The following NPEPPS variants were observed in gnomAD, a reference collection of about 807,000 sequenced individuals.
The protein encoded by NPEPPS is puromycin-sensitive aminopeptidase.
A neutral mutation model predicts 115.5 loss-of-function variants in NPEPPS; 14 were observed. The observed-to-expected ratio is 0.12, with a 90% CI of 0.08 to 0.19. The LOEUF (loss-of-function observed/expected upper bound fraction) is 0.19. NPEPPS is among the 10% of genes least tolerant of loss of function. NPEPPS has a pLI of 1.00. For synonymous variants in NPEPPS, 285 were observed against 390.6 expected, an observed-to-expected ratio of 0.73 and a Z score of 3.19; for missense variants, 523 against 1,110.8, an observed-to-expected ratio of 0.47 and a Z score of 7.52.
intron 14 of NPEPPS, among the ~76,000 whole-genome samples, chr17:47,600,040 G>A (rs1295022342): frequency 6.6e-6 from 1 of 151,960 alleles, no homozygotes; most frequent in Non-Finnish European, 1.5e-5. Flanking sequence ...GACTGGTCTT[G>A]AACTCCTGAC....
chr17:47,618,417 T>C lies in NPEPPS; in HGVS notation c.2363T>C (p.Leu788Ser). 6.2e-7 allele frequency: 1 copy of C among 1,613,952 alleles called. No homozygotes were observed. The highest frequency in any genetic ancestry group is 8.5e-7 in the Non-Finnish European group (1 of 1,179,852). The stretch of plus-strand genomic sequence containing the variant: ...GAAAGAGTCCTTGGCGCTACTCTTT[T>C]GCCTGACCTGATTCAAAAAGTCCTC... ...RIERVLGATLLPDLIQKVLTF... is the reference protein window; with the variant it reads ...RIERVLGATLSPDLIQKVLTF... The change falls in exon 20 of 23, where the codon TTG becomes TCG. Residue 788 changes from leucine (L) to serine (S), a missense_variant. By Grantham distance (145) the Leu-to-Ser change is moderately radical. Around this residue, in one of 4 missense-constraint regions of NPEPPS, gnomAD observed 372 missense variants for 542.6 expected, o/e 0.69. Transcript: ENST00000322157.
At chr17:47,605,722 A>G (rs902085852) in intron 17 of NPEPPS, among the ~76,000 whole-genome samples, 170 bp downstream of exon 17, 16 of 152,250 alleles carry the variant, frequency 1.1e-4, no homozygotes, top group African/African-American at 3.9e-4. Flanking sequence ...TACATGGGTC[A>G]ACAACATAGA....
intron 1 of NPEPPS, among the ~76,000 whole-genome samples, chr17:47,534,329 T>G (rs547104634): frequency 6.6e-6 from 1 of 152,184 alleles, no homozygotes; most frequent in East Asian, 1.9e-4. Context: ...TCTGCCCGCC[T>G]TGGCCTCCTA....
At chr17:47,605,279 T>G (rs756955968) in intron 16 of NPEPPS, 54 bp from the exon 17 acceptor site, 2 of 1,336,268 alleles carry the variant, frequency 1.5e-6, no homozygotes, top group East Asian at 2.5e-5. Flanking sequence ...TGCATGCTTA[T>G]GTTTTTTGGT....
intron 13 of NPEPPS, among the ~76,000 whole-genome samples, 166 bp from the exon 14 acceptor site, chr17:47,599,510 T>C (rs564564248): frequency 6.6e-6 from 1 of 152,350 alleles, no homozygotes; most frequent in African/African-American, 2.4e-5. Context: ...CTTTTCTCTT[T>C]AGTATTACCG....
intron 2 of NPEPPS, among the ~76,000 whole-genome samples, chr17:47,565,433 G>A (rs1789887300): frequency 1.3e-5 from 2 of 149,378 alleles, no homozygotes; most frequent in Admixed American, 1.3e-4. Flanking sequence ...TTGAACCCGG[G>A]AGGCGGAGGT....
chr17:47,530,081 C>T (rs1394737827), upstream of NPEPPS, among the ~76,000 whole-genome samples: 1 of 136,642 alleles, frequency 7.3e-6, no homozygotes, highest in Non-Finnish European at 1.6e-5. Context: ...GGACAACAGG[C>T]GCCCGCCACC....
At chr17:47,524,694 C>T (rs1349057738) in intron 1 of NPEPPS, among the ~76,000 whole-genome samples, 2 of 146,972 alleles carry the variant, frequency 1.4e-5, no homozygotes, top group Admixed American at 6.9e-5. Context: ...TTAGTAAAGA[C>T]GGGGTTTCAC....
rs1913459480 is a variant in NPEPPS, at chr17:47,605,495, A to G, written c.2038A>G (p.Lys680Glu). The G allele has an allele frequency of 5.0e-6, 8 of 1,604,072 alleles. No homozygotes were observed. The highest frequency in any genetic ancestry group is 6.8e-6 in the Non-Finnish European group (8 of 1,174,770). ...CTATGAGGAAATCCAGGAGTTTGTG[A>G]AAGATGTCTTTTCACCTATAGGGGA... ...DFYEEIQEFV[K>E]DVFSPIGERL... Residue 680 changes from lysine to glutamate, a missense_variant, in exon 17 of 23, where the codon AAA (lysine) becomes GAA (glutamate). Around this residue, in one of 4 missense-constraint regions of NPEPPS, gnomAD observed 372 missense variants for 542.6 expected, o/e 0.69. Coordinates refer to ENST00000322157, the MANE Select transcript of NPEPPS (RefSeq NM_006310.4).
At chr17:47,583,907 A>C (rs1416807819) in intron 5 of NPEPPS, among the ~76,000 whole-genome samples, 1 of 139,540 alleles carries the variant, frequency 7.2e-6, no homozygotes. Flanking sequence ...GGGTGACAGA[A>C]CAAGACCCCA....
At chr17:47,526,428 C>T (rs945827826), upstream of NPEPPS, among the ~76,000 whole-genome samples, 5 of 152,132 alleles carry the variant, frequency 3.3e-5, no homozygotes, top group Non-Finnish European at 5.9e-5. Context: ...AGCAATAATG[C>T]CTGAGCAATG....
chr17:47,621,730 C>A, intron 22 of NPEPPS, 38 bp from the exon 23 acceptor site: 1 of 1,562,532 alleles, frequency 6.4e-7, no homozygotes, highest in Non-Finnish European at 8.7e-7. Context: ...CTTCTTATTG[C>A]TAGTAATGAT....
intron 2 of NPEPPS, among the ~76,000 whole-genome samples, chr17:47,568,151 C>T (rs1304767676): frequency 6.6e-6 from 1 of 151,416 alleles, no homozygotes; most frequent in Non-Finnish European, 1.5e-5. Flanking sequence ...TACATCCTAC[C>T]TTATACTTTT....
intron 9 of NPEPPS, among the ~76,000 whole-genome samples, chr17:47,588,220 C>T (rs1912303562): frequency 6.6e-6 from 1 of 152,100 alleles, no homozygotes; most frequent in Non-Finnish European, 1.5e-5. Context: ...AAATCTTTTC[C>T]TTTTATTTTG....
intron 12 of NPEPPS, among the ~76,000 whole-genome samples, chr17:47,593,563 AAAAT>A (rs1912646200): frequency 6.6e-6 from 1 of 152,162 alleles, no homozygotes; most frequent in African/African-American, 2.4e-5. Context: ...CTGTCTGAAA[AAAAT>A]AAAAAATAAA....
intron 3 of NPEPPS, among the ~76,000 whole-genome samples, chr17:47,569,793 A>G (rs1911086923): frequency 6.6e-6 from 1 of 151,870 alleles, no homozygotes; most frequent in Non-Finnish European, 1.5e-5. Context: ...ATTTTTTTGT[A>G]TTTTTAGTAG....
In NPEPPS at chr17:47,605,447, A is replaced by G. The variant is rs1308282984; in HGVS notation, c.1990A>G (p.Thr664Ala). ...DLSCNLGILS[T>A]LLSHTDFYEE... ...GAGCTGTAACCTGGGGATTCTCTCA[A>G]CTCTCTTGTCCCACACAGACTTCTA... is the stretch of plus-strand genomic sequence containing the variant. The change falls in exon 17 of 23, where the codon ACT becomes GCT. Residue 664 changes from threonine (T) to alanine (A), a missense_variant. Physicochemically the swap from Thr to Ala is moderately conservative, Grantham distance 58. Coordinates refer to ENST00000322157, the MANE Select transcript of NPEPPS (RefSeq NM_006310.4). 1.1e-5 allele frequency: 17 copies of G among 1,609,686 alleles called. No homozygotes were observed. The highest frequency in any genetic ancestry group is 1.4e-5 in the Non-Finnish European group (16 of 1,177,866).
At chr17:47,547,883 G>A (rs2143720294) in intron 2 of NPEPPS, among the ~76,000 whole-genome samples, 1 of 152,224 alleles carries the variant, frequency 6.6e-6, no homozygotes, top group African/African-American at 2.4e-5. Flanking sequence ...AAAATCAGCT[G>A]GGCGTGGTGG....
At chr17:47,552,632 ATTAT>A (rs1812689472) in intron 2 of NPEPPS, among the ~76,000 whole-genome samples, 1 of 152,194 alleles carries the variant, frequency 6.6e-6, no homozygotes, top group Admixed American at 6.5e-5. Context: ...GTTTTAAAAC[ATTAT>A]TTAAATAGCC....
Sources: gnomAD v4.1 joint callset for allele counts (sites outside exome capture counted in the v4.1 genomes callset) on GRCh38, gnomAD v4.1.1 for gene constraint, gnomAD v4.1.1 regional missense constraint, MANE v1.5 for transcripts, NCBI Gene and HGNC (gene_info 2026-07-23, HGNC 2026-07-21) for gene names.